The following RBM10 variants were observed in gnomAD, a reference collection of about 807,000 sequenced individuals.
RBM10 encodes RNA binding motif protein 10, also known as RNA-binding protein 10.
RBM10 carries 1 observed loss-of-function variant against 84.9 expected under a neutral mutation model. The ratio of observed to expected loss-of-function variants is 0.01; its 90% confidence interval spans 0.00 to 0.06. The LOEUF is 0.06. RBM10 is among the 10% of genes least tolerant of loss of function. The probability of loss-of-function intolerance (pLI) is 1.00; values close to 1 mark genes in which losing one functional copy is unlikely to be tolerated. For synonymous variants in RBM10, 326 were observed against 344.5 expected (o/e 0.95, Z 0.60); for missense variants, 438 against 839.0 (o/e 0.52, Z 5.90).
rs1255502890 is a variant in RBM10 at position 47,184,581 on chromosome X, C to A, written c.1951-474C>A. On this transcript the variant is annotated intron_variant, in intron 17 of 23. Transcript: ENST00000377604. ...ACTGGTGACAGAAAATAGGAACTTG[C>A]ACTACTGTGTCCCTCACCTTCTGAT... Among the ~76,000 whole-genome samples the A allele has an allele frequency of 5.4e-5, 6 of 111,396 alleles. No homozygotes were observed. The South Asian group carries it at 2.3e-3, about 42-fold the overall frequency.
At chrX:47,173,029 CACCGATG>C in intron 4 of RBM10, 92 bp from the exon 5 acceptor site, 1 of 1,193,235 alleles carries the variant, frequency 8.4e-7, no homozygotes, top group South Asian at 1.8e-5. Flanking sequence ...GTGTGCACAT[CACCGATG>C]ACCCCTCGGG....
intron 2 of RBM10, among the ~76,000 whole-genome samples, chrX:47,160,116 G>A (rs7878611): frequency 0.083 from 9,217 of 110,820 alleles, 954 homozygotes; most frequent in African/African-American, 0.29. Context: ...CAGCCTGGGC[G>A]ACAAGAGTGA....
At chrX:47,178,081 A>G (rs1462291181) in intron 7 of RBM10, among the ~76,000 whole-genome samples, 4 of 111,163 alleles carry the variant, frequency 3.6e-5, no homozygotes, top group African/African-American at 9.8e-5. Context: ...CCTCTCTGGT[A>G]TGCTGGCCTC....
chrX:47,153,782 G>A (rs1448736300), intron 2 of RBM10, among the ~76,000 whole-genome samples: 1 of 111,802 alleles, frequency 8.9e-6, no homozygotes, highest in Non-Finnish European at 1.9e-5. Context: ...AACTTGGTAG[G>A]ACTCACCTTT....
chrX:47,177,897 G>A (rs913900475), intron 7 of RBM10, among the ~76,000 whole-genome samples: 2 of 111,798 alleles, frequency 1.8e-5, no homozygotes, highest in African/African-American at 3.3e-5. Context: ...GATTACAGGC[G>A]TGAGCCACCA....
At chrX:47,163,049 G>C (rs1933857517) in intron 2 of RBM10, among the ~76,000 whole-genome samples, 1 of 93,322 alleles carries the variant, frequency 1.1e-5, no homozygotes, top group Admixed American at 1.1e-4. Flanking sequence ...TCTGTTGTAT[G>C]CTTCTCCAAA....
rs1934655121 is a variant in RBM10 at position 47,171,348 on chromosome X, C to G, written c.432+90C>G. 6.1e-6 allele frequency: 7 copies of G among 1,140,346 alleles called. No individual in the cohort carries two copies. In the African/African-American group the frequency reaches 7.1e-5, roughly 12 times the overall value. The allele number at this position is 1,140,346 out of a possible 1,213,427, so 94.0% of individuals were successfully genotyped here. ...TCCCCACCCCTCCCTCACCTGCAAC[C>G]TCAGCGCCTTTCATCCCTTCTCCCC... On this transcript the variant is annotated intron_variant, in intron 4 of 23. Transcript: ENST00000377604.
In RBM10 at chrX:47,180,282, A is replaced by G. The variant is rs1556778435; in HGVS notation, c.1133A>G (p.Asn378Ser). Residue 378 changes from asparagine (N) to serine (S), a missense_variant, in exon 11 of 24, where the codon AAT (asparagine) becomes AGT (serine). Around this residue, in one of 8 missense-constraint regions of RBM10, gnomAD observed 33 missense variants for 115.0 expected, o/e 0.29. Transcript: ENST00000377604. The stretch of plus-strand genomic sequence containing the variant: ...CTCACTATCGACGGCAAGACCATCA[A>G]TGTTGAGTTTGCCAAGGGTTCTAAG... ...PPLTIDGKTI[N>S]VEFAKGSKRD... 3 of 1,203,152 alleles carry G rather than the reference A, an allele frequency of 2.5e-6. No individual in the cohort carries two copies. The highest frequency in any genetic ancestry group is 1.7e-5 in the African/African-American group (1 of 57,631).
rs782295069 is a variant in RBM10 at position 47,169,797 on chromosome X, C to T, written c.201+299C>T. ...CCCATGGCTCACTGTGAACCCTGTACTGCCCGCTCCCAGCCAACTTGGGCA... is the reference window on the plus strand; with the variant it reads ...CCCATGGCTCACTGTGAACCCTGTATTGCCCGCTCCCAGCCAACTTGGGCA... On this transcript the variant is annotated intron_variant, in intron 3 of 23. Transcript: ENST00000377604. 2.7e-5 allele frequency among the ~76,000 whole-genome samples: 3 copies of T among 112,396 alleles called. No individual in the cohort carries two copies. In the South Asian group the frequency reaches 1.1e-3, roughly 41 times the overall value.
At chrX:47,155,040 G>A (rs1472125635) in intron 2 of RBM10, among the ~76,000 whole-genome samples, 4 of 106,172 alleles carry the variant, frequency 3.8e-5, no homozygotes, top group Admixed American at 1.0e-4. Flanking sequence ...CCAGCTACTC[G>A]GGAGGCTGAG....
chrX:47,173,082 G>A (rs376777994), intron 4 of RBM10, 46 bp from the exon 5 acceptor site: 12 of 1,209,685 alleles, frequency 9.9e-6, no homozygotes, highest in Middle Eastern at 2.3e-4. Flanking sequence ...GGTACCCAGC[G>A]GCCCCATTGT....
chrX:47,155,387 G>A (rs1364726544), intron 2 of RBM10, among the ~76,000 whole-genome samples: 2 of 110,456 alleles, frequency 1.8e-5, no homozygotes, highest in African/African-American at 3.3e-5. Flanking sequence ...TTATCTTTAT[G>A]GTGTTTTCCA....
Position 47,174,566 on chromosome X carries a change from G to A in RBM10, c.503-453G>A, listed in dbSNP as rs996154675. On this transcript the variant is annotated intron_variant, in intron 5 of 23. Transcript: ENST00000377604. ...ACAGGACCCCTCCTGGGCACCCCTG[G>A]CCTTGAGCTGGGCCCGCCCTGGAGT... is the stretch of plus-strand genomic sequence containing the variant. 4.5e-5 allele frequency among the ~76,000 whole-genome samples: 5 copies of A among 111,757 alleles called. No individual in the cohort carries two copies. The East Asian group carries it at 1.4e-3, about 32-fold the overall frequency.
chrX:47,155,253 T>C lies in RBM10; in HGVS notation c.17+7755T>C, dbSNP rs180880268. Among the ~76,000 whole-genome samples, 853 of 110,055 alleles carry C rather than the reference T, an allele frequency of 7.8e-3. 6 individuals carry two copies. Among genetic ancestry groups the C allele is most frequent in the Non-Finnish European group, 0.011 (597 of 52,771 alleles). On this transcript the variant is annotated intron_variant, in intron 2 of 23. Transcript: ENST00000377604. ...TCCCCATTACCTAGAACAGTACTTATCGTATAGCCAATGTTAGGTTAATAT... is the reference window on the plus strand; with the variant it reads ...TCCCCATTACCTAGAACAGTACTTACCGTATAGCCAATGTTAGGTTAATAT...
At chrX:47,179,718 G>T in intron 9 of RBM10, 162 bp from the exon 10 acceptor site, 1 of 830,316 alleles carries the variant, frequency 1.2e-6, no homozygotes, top group Non-Finnish European at 1.7e-6. Flanking sequence ...CTGGCACCTG[G>T]ACCGCCAAGC....
intron 5 of RBM10, among the ~76,000 whole-genome samples, chrX:47,174,370 T>C (rs1673577682): frequency 1.8e-5 from 2 of 111,688 alleles, no homozygotes; most frequent in Non-Finnish European, 1.9e-5. Flanking sequence ...GTCTCCACCC[T>C]GTGGCCCTGA....
At chrX:47,157,130 C>A in intron 2 of RBM10, 1 of 255,861 alleles carries the variant, frequency 3.9e-6, no homozygotes, top group Non-Finnish European at 7.4e-6. Flanking sequence ...CTTGAACAGA[C>A]CAGACCCCTT....
intron 2 of RBM10, among the ~76,000 whole-genome samples, chrX:47,168,962 G>A (rs782730297): frequency 3.7e-4 from 41 of 111,174 alleles, no homozygotes; most frequent in Non-Finnish European, 7.2e-4. Context: ...CATAGGGATG[G>A]AGAGAGGCAG....
chrX:47,157,165 C>A, intron 2 of RBM10: 1 of 259,293 alleles, frequency 3.9e-6, no homozygotes, highest in Non-Finnish European at 7.3e-6. Flanking sequence ...CCATCAGGAC[C>A]AATGATGACT....
Sources: gnomAD v4.1 joint callset for allele counts (sites outside exome capture counted in the v4.1 genomes callset) on GRCh38, gnomAD v4.1.1 for gene constraint, gnomAD v4.1.1 regional missense constraint, MANE v1.5 for transcripts, NCBI Gene and HGNC (gene_info 2026-07-23, HGNC 2026-07-21) for gene names.